RSU1: variants seen among roughly 807,000 people sequenced by gnomAD.
The protein encoded by RSU1 is Ras suppressor protein 1, also known as rsu-1.
In RSU1, 26 loss-of-function variants were observed where a neutral mutation model predicts 31.1. The observed-to-expected ratio is 0.84, with a 90% CI of 0.61 to 1.16. The LOEUF (loss-of-function observed/expected upper bound fraction) is 1.16. Among genes scored for constraint, RSU1 ranks in the 50% most tolerant of loss-of-function variants. RSU1 has a pLI of 0.00. For synonymous variants in RSU1, 164 were observed against 136.3 expected, an observed-to-expected ratio of 1.20 and a Z score of -1.41; for missense variants, 320 against 339.1, an observed-to-expected ratio of 0.94 and a Z score of 0.44.
chr10:16,780,691 G>T (rs910111723), intron 3 of RSU1, among the ~76,000 whole-genome samples: 5 of 152,220 alleles, frequency 3.3e-5, no homozygotes, highest in Admixed American at 3.3e-4. Flanking sequence ...AATCTTGGGG[G>T]ATTTAGGAAT....
At chr10:16,634,574 C>T (rs1289271702) in intron 8 of RSU1, among the ~76,000 whole-genome samples, 1 of 152,198 alleles carries the variant, frequency 6.6e-6, no homozygotes, top group Non-Finnish European at 1.5e-5. Flanking sequence ...ATCCTTTTGC[C>T]TCTGCATCTT....
chr10:16,814,569 G>A (rs1564367529), intron 2 of RSU1, among the ~76,000 whole-genome samples: 1 of 151,958 alleles, frequency 6.6e-6, no homozygotes, highest in African/African-American at 2.4e-5. Flanking sequence ...CTGCTGAGAA[G>A]TGAGCCCTGG....
At chr10:16,802,505 AAATTATACC>A (rs1381728974) in intron 2 of RSU1, among the ~76,000 whole-genome samples, 3 of 152,286 alleles carry the variant, frequency 2.0e-5, no homozygotes, top group Middle Eastern at 3.4e-3. Flanking sequence ...TTTAAGGAAG[AAATTATACC>A]AATTCTCTAC....
At chr10:16,709,327 A>G (rs1265574342) in intron 7 of RSU1, among the ~76,000 whole-genome samples, 1 of 152,206 alleles carries the variant, frequency 6.6e-6, no homozygotes, top group Non-Finnish European at 1.5e-5. Flanking sequence ...ACATGAACTC[A>G]TCATTTTTTA....
chr10:16,751,187 G>T (rs1836972850), intron 7 of RSU1, among the ~76,000 whole-genome samples: 1 of 152,054 alleles, frequency 6.6e-6, no homozygotes, highest in Admixed American at 6.6e-5. Context: ...CCTTTAACAA[G>T]AAGTTTTTTG....
intron 8 of RSU1, among the ~76,000 whole-genome samples, chr10:16,654,361 C>CA (rs536600415): frequency 0.037 from 3,433 of 91,826 alleles, 88 homozygotes; most frequent in African/African-American, 0.079. Context: ...CCTAAATTTG[C>CA]AAAAAAAAAA....
chr10:16,713,108 T>C (rs1000862122), intron 7 of RSU1, among the ~76,000 whole-genome samples: 14 of 152,236 alleles, frequency 9.2e-5, no homozygotes, highest in African/African-American at 3.4e-4. Flanking sequence ...CCCTTGTGTG[T>C]GATGTGACAC....
intron 8 of RSU1, among the ~76,000 whole-genome samples, chr10:16,646,388 T>A (rs1342710506): frequency 1.3e-5 from 2 of 152,094 alleles, no homozygotes; most frequent in Non-Finnish European, 1.5e-5. Flanking sequence ...GGTTTATTCA[T>A]CCTGGTATCC....
Position 16,687,072 on chromosome 10 carries a change from T to C in RSU1, c.731+7951A>G, listed in dbSNP as rs1225522803. 2.0e-5 allele frequency among the ~76,000 whole-genome samples: 3 copies of C among 152,268 alleles called. No individual in the cohort carries two copies. In the East Asian group the frequency reaches 5.8e-4, roughly 29 times the overall value. ...ACCACATTAGAGGACCAGAGGGAAG[T>C]AGTGAAGAAAGCAACGTGGATATGG... On this transcript the variant is annotated intron_variant, in intron 8 of 8. Transcript: ENST00000345264.
At chr10:16,723,939 C>A (rs1333398604) in intron 7 of RSU1, among the ~76,000 whole-genome samples, 2 of 152,036 alleles carry the variant, frequency 1.3e-5, no homozygotes, top group Non-Finnish European at 2.9e-5. Context: ...ATGAGACATG[C>A]CTTTTTATTT....
rs192116922 is a variant in RSU1, at chr10:16,726,679, G to C, written c.598+25860C>G. On this transcript the variant is annotated intron_variant, in intron 7 of 8. Transcript: ENST00000345264. ...AATGTTTCAGTTGGTTGAAAACAAT[G>C]AATATAAATTACTTTTATGAGAGCA... is the stretch of plus-strand genomic sequence containing the variant. Among the ~76,000 whole-genome samples the C allele has an allele frequency of 3.9e-5, 6 of 152,194 alleles. No homozygotes were observed. The East Asian group carries it at 5.8e-4, about 15-fold the overall frequency.
intron 8 of RSU1, among the ~76,000 whole-genome samples, chr10:16,680,348 A>G (rs10904791): frequency 6.6e-6 from 1 of 151,904 alleles, no homozygotes; most frequent in South Asian, 2.1e-4. Flanking sequence ...ATGACATTCC[A>G]AAGAGCTCAA....
intron 8 of RSU1, among the ~76,000 whole-genome samples, chr10:16,610,913 T>C (rs770848356): frequency 5.9e-5 from 9 of 152,142 alleles, no homozygotes; most frequent in Non-Finnish European, 1.3e-4. Flanking sequence ...ACCTAGAGAT[T>C]TTCCCAATGT....
At chr10:16,636,834 C>T (rs781079433) in intron 8 of RSU1, among the ~76,000 whole-genome samples, 4 of 152,242 alleles carry the variant, frequency 2.6e-5, no homozygotes, top group Admixed American at 2.0e-4. Flanking sequence ...GCTATAACTG[C>T]GCAATCTCCT....
chr10:16,626,519 T>C, intron 8 of RSU1, among the ~76,000 whole-genome samples: 1 of 152,184 alleles, frequency 6.6e-6, no homozygotes, highest in East Asian at 1.9e-4. Flanking sequence ...GTAAGCCTAC[T>C]CGGGCTCTTC....
chr10:16,611,175 G>A (rs377172478), intron 8 of RSU1, among the ~76,000 whole-genome samples: 2 of 152,260 alleles, frequency 1.3e-5, no homozygotes, highest in African/African-American at 4.8e-5. Flanking sequence ...TGAGTTTGCC[G>A]TTTCCAGGGT....
In RSU1 at chr10:16,817,370, C is replaced by A. The variant is rs544276743; in HGVS notation, c.-59G>T. The A allele has an allele frequency of 7.6e-6, 3 of 395,368 alleles. No individual in the cohort carries two copies. Among genetic ancestry groups the A allele is most frequent in the Non-Finnish European group, 1.4e-5 (3 of 212,996 alleles). The allele number at this position is 395,368 out of a possible 1,614,324, so 24.5% of individuals were successfully genotyped here. A position where few individuals can be genotyped will look rare whatever the true frequency, so the allele number is the denominator to read the frequency against. On this transcript the variant is annotated 5_prime_UTR_variant, in exon 1 of 9. Coordinates refer to ENST00000345264, the MANE Select transcript of RSU1 (RefSeq NM_012425.4). ...TGCAACCACAAGCTTCGGCAGAACG[C>A]ACTCCAGCTGCCCTCACTCCCTGCA...
At chr10:16,615,741 C>T in intron 8 of RSU1, among the ~76,000 whole-genome samples, 1 of 152,188 alleles carries the variant, frequency 6.6e-6, no homozygotes, top group Non-Finnish European at 1.5e-5. Context: ...AACTGCACAA[C>T]TACATGGAAA....
At chr10:16,605,671 T>G (rs536725176) in intron 8 of RSU1, among the ~76,000 whole-genome samples, 1 of 152,152 alleles carries the variant, frequency 6.6e-6, no homozygotes, top group African/African-American at 2.4e-5. Context: ...CCTGGAGCTG[T>G]CTACTGAAGG....
Sources: allele counts gnomAD v4.1 joint callset (sites outside exome capture counted in the v4.1 genomes callset), GRCh38; gene constraint gnomAD v4.1.1; transcripts MANE v1.5; gene names NCBI Gene and HGNC (gene_info 2026-07-23, HGNC 2026-07-21).